Variants in PDE11A observed in about 807,000 individuals in gnomAD.
The protein encoded by PDE11A is dual 3',5'-cyclic-AMP and -GMP phosphodiesterase 11A.
A neutral mutation model predicts 100.5 loss-of-function variants in PDE11A; 100 were observed. The ratio of observed to expected loss-of-function variants is 1.00; its 90% CI spans 0.85 to 1.18. The LOEUF is 1.18. Among genes scored for constraint, PDE11A ranks in the 50% most tolerant of loss-of-function variants. The probability of loss-of-function intolerance (pLI) is 0.00; values close to 1 mark genes in which losing one functional copy is unlikely to be tolerated. For missense variants in PDE11A, 1,141 were observed against 1,152.6 expected (o/e 0.99, Z 0.15); for synonymous variants, 381 against 420.8 (o/e 0.91, Z 1.16).
At chr2:178,056,569 T>C (rs77368625) in intron 1 of PDE11A, among the ~76,000 whole-genome samples, 2,733 of 152,248 alleles carry the variant, frequency 0.018, 51 homozygotes, top group South Asian at 0.045. Context: ...ATATAGCAAA[T>C]AAATTACAAC....
At chr2:178,051,134 C>T (rs2086821664) in intron 1 of PDE11A, among the ~76,000 whole-genome samples, 1 of 152,184 alleles carries the variant, frequency 6.6e-6, no homozygotes, top group African/African-American at 2.4e-5. Context: ...CAAAGGGAAG[C>T]CCATCAGACT....
intron 9 of PDE11A, among the ~76,000 whole-genome samples, chr2:177,811,581 C>T (rs144765703): frequency 1.7e-4 from 25 of 151,192 alleles, no homozygotes; most frequent in African/African-American, 5.1e-4. Context: ...ATTTCTATTT[C>T]TCACCATGTG....
intron 5 of PDE11A, among the ~76,000 whole-genome samples, 164 bp from the exon 6 acceptor site, chr2:177,840,547 C>T (rs111589573): frequency 6.6e-6 from 1 of 152,118 alleles, no homozygotes; most frequent in East Asian, 1.9e-4. Flanking sequence ...GTAGCTACTT[C>T]GAAATGACTT....
At chr2:178,088,527 C>A (rs1177910805) in intron 2 of PDE11A, among the ~76,000 whole-genome samples, 1 of 152,216 alleles carries the variant, frequency 6.6e-6, no homozygotes, top group Non-Finnish European at 1.5e-5. Context: ...CTGAAGAGTT[C>A]TCTCTGTACC....
intron 9 of PDE11A, among the ~76,000 whole-genome samples, chr2:177,795,935 C>CTATATATATA (rs55861102): frequency 0.015 from 1,035 of 67,092 alleles, 54 homozygotes; most frequent in Non-Finnish European, 0.023. Flanking sequence ...TTTGTTTAAA[C>CTATATATATA]TATATATATA....
At chr2:178,075,271 G>A (rs1321396484), upstream of PDE11A, among the ~76,000 whole-genome samples, 1 of 152,068 alleles carries the variant, frequency 6.6e-6, no homozygotes, top group Admixed American at 6.6e-5. Flanking sequence ...GGCATCAACA[G>A]GCCAAGCATG....
intron 5 of PDE11A, among the ~76,000 whole-genome samples, chr2:177,863,777 A>T (rs2083983739): frequency 6.6e-6 from 1 of 152,026 alleles, no homozygotes; most frequent in Non-Finnish European, 1.5e-5. Context: ...AGAAAATAGT[A>T]TGGGGTTTCT....
At chr2:177,661,017 A>C (rs1431445102) in intron 19 of PDE11A, among the ~76,000 whole-genome samples, 1 of 151,824 alleles carries the variant, frequency 6.6e-6, no homozygotes, top group Non-Finnish European at 1.5e-5. Flanking sequence ...CCCTCTGTAG[A>C]CTCCAACTCT....
chr2:177,948,740 C>T (rs901461577), intron 2 of PDE11A, among the ~76,000 whole-genome samples: 1 of 151,964 alleles, frequency 6.6e-6, no homozygotes, highest in Non-Finnish European at 1.5e-5. Context: ...ACTATCTCTA[C>T]AAAAAATAAA....
intron 1 of PDE11A, among the ~76,000 whole-genome samples, chr2:178,026,648 G>A (rs1423987944): frequency 4.7e-5 from 7 of 149,096 alleles, no homozygotes; most frequent in African/African-American, 1.0e-4. Context: ...GCAACAGAGC[G>A]AGACTCTGTC....
At chr2:178,096,545 G>A (rs1026850762) in intron 2 of PDE11A, among the ~76,000 whole-genome samples, 3 of 152,136 alleles carry the variant, frequency 2.0e-5, no homozygotes, top group South Asian at 2.1e-4. Flanking sequence ...CCTCTTGAAC[G>A]CTTTGCTGCT....
intron 15 of PDE11A, among the ~76,000 whole-genome samples, chr2:177,684,145 T>C (rs1354393503): frequency 6.6e-6 from 1 of 152,202 alleles, no homozygotes; most frequent in Non-Finnish European, 1.5e-5. Context: ...CCAACAAGTA[T>C]TTATTGAACA....
At chr2:177,740,304 T>C (rs1008928570) in intron 10 of PDE11A, among the ~76,000 whole-genome samples, 8 of 152,244 alleles carry the variant, frequency 5.3e-5, no homozygotes, top group African/African-American at 1.9e-4. Flanking sequence ...CTAAGAGCTT[T>C]AATTTAAAAA....
At chr2:177,883,294 AT>A (rs2105707231) in intron 4 of PDE11A, among the ~76,000 whole-genome samples, 1 of 152,128 alleles carries the variant, frequency 6.6e-6, no homozygotes, top group East Asian at 1.9e-4. Context: ...AAAAGAATGA[AT>A]TAAACAATCA....
At chr2:177,838,247 G>C (rs552711995) in intron 6 of PDE11A, among the ~76,000 whole-genome samples, 1 of 152,130 alleles carries the variant, frequency 6.6e-6, no homozygotes, top group South Asian at 2.1e-4. Flanking sequence ...AGCTTTCCTA[G>C]CCTTGCTCTT....
chr2:177,917,679 A>C (rs2084973674), intron 2 of PDE11A, among the ~76,000 whole-genome samples: 1 of 152,236 alleles, frequency 6.6e-6, no homozygotes, highest in Non-Finnish European at 1.5e-5. Context: ...TTAGCATTTT[A>C]CAGACACTGT....
chr2:177,925,204 C>A (rs1222425012), intron 2 of PDE11A, among the ~76,000 whole-genome samples: 2 of 151,072 alleles, frequency 1.3e-5, no homozygotes, highest in Non-Finnish European at 1.5e-5. Flanking sequence ...GTGCATGTGT[C>A]TTTATAGCAC....
intron 9 of PDE11A, among the ~76,000 whole-genome samples, chr2:177,813,807 ATTTCCCTCCACTCTTG>A (rs145511946): frequency 0.11 from 17,044 of 150,980 alleles, 1,126 homozygotes; most frequent in African/African-American, 0.19. Context: ...GGAATGGATT[ATTTCCCTCCACTCTTG>A]TTGCTAACCG....
At chr2:177,820,963 A>G (rs975102906) in intron 6 of PDE11A, among the ~76,000 whole-genome samples, 2 of 151,936 alleles carry the variant, frequency 1.3e-5, no homozygotes, top group Non-Finnish European at 1.5e-5. Flanking sequence ...TTGAATGGTT[A>G]GAGAGAAACC....
Sources: gnomAD v4.1 joint callset for allele counts (sites outside exome capture counted in the v4.1 genomes callset) on GRCh38, gnomAD v4.1.1 for gene constraint, MANE v1.5 for transcripts, NCBI Gene and HGNC (gene_info 2026-07-23, HGNC 2026-07-21) for gene names.